Variants in PIPOX observed in about 807,000 individuals in gnomAD.
PIPOX encodes pipecolic acid and sarcosine oxidase.
In PIPOX, 45 loss-of-function variants were observed where a neutral mutation model predicts 47.9. The ratio of observed to expected loss-of-function variants is 0.94; its 90% CI spans 0.74 to 1.20. The LOEUF (loss-of-function observed/expected upper bound fraction) is 1.20. PIPOX is among the 50% of genes most tolerant of loss of function. PIPOX has a pLI of 0.00. For missense variants in PIPOX, 458 were observed against 498.4 expected, an observed-to-expected ratio of 0.92 and a Z score of 0.77; for synonymous variants, 165 against 191.3, an observed-to-expected ratio of 0.86 and a Z score of 1.13.
intron 1 of PIPOX, 41 bp from the exon 2 acceptor site, chr17:29,044,818 G>T (rs751089483): frequency 6.3e-7 from 1 of 1,584,668 alleles, no homozygotes; most frequent in African/African-American, 1.3e-5. Flanking sequence ...GCAGTGTGAG[G>T]GGTAATGGCT....
chr17:29,055,996 G>C lies in PIPOX; in HGVS notation c.1042+108G>C. The C allele has an allele frequency of 2.3e-6, 3 of 1,285,928 alleles. No homozygotes were observed. The South Asian group carries it at 3.6e-5, about 15-fold the overall frequency. The allele number at this position is 1,285,928 out of a possible 1,614,324, so 79.7% of individuals were successfully genotyped here. A position where few individuals can be genotyped will look rare whatever the true frequency, so the allele number is the denominator to read the frequency against. On this transcript the variant is annotated intron_variant, in intron 7 of 7. Transcript: ENST00000323372. ...GCTGCCCAGATAGGTGTGAAGCCTG[G>C]ACATTGTAGGTATAAGGAGGCTGGG...
chr17:29,051,475 C>T (rs554362715), intron 2 of PIPOX, among the ~76,000 whole-genome samples: 16 of 152,142 alleles, frequency 1.1e-4, no homozygotes, highest in Admixed American at 7.2e-4. Flanking sequence ...TAGGCTATTA[C>T]GAGCTTTACA....
intron 7 of PIPOX, 27 bp from the exon 8 acceptor site, chr17:29,056,147 GC>G: frequency 6.2e-7 from 1 of 1,613,602 alleles, no homozygotes; most frequent in Non-Finnish European, 8.5e-7. Context: ...CTGTGAAGCT[GC>G]CTGAGAGTCT....
intron 2 of PIPOX, 50 bp from the exon 3 acceptor site, chr17:29,052,870 G>C (rs1395993120): frequency 2.6e-6 from 4 of 1,540,940 alleles, no homozygotes; most frequent in Non-Finnish European, 3.6e-6. Context: ...GTCACATCAG[G>C]CCCAGGATTT....
rs777519134 is a variant in PIPOX, at chr17:29,053,578, A to T, written c.643A>T (p.Ile215Phe). 1 of 1,593,660 alleles carries T rather than the reference A, an allele frequency of 6.3e-7. No individual in the cohort carries two copies. The highest frequency in any genetic ancestry group is 8.6e-7 in the Non-Finnish European group (1 of 1,165,032). ...CAACCAGCTCCTCCGTCCCCTGGGC[A>T]TTGAGATGCCTCTCCAGGTAAGAGG... The part of the protein sequence containing the change: ...WTNQLLRPLG[I>F]EMPLQTLRIN... The change falls in exon 4 of 8, where the codon ATT becomes TTT. Residue 215 changes from isoleucine (I) to phenylalanine (F), a missense_variant. Ile to Phe is a conservative substitution (Grantham distance 21). Coordinates refer to ENST00000323372, the MANE Select transcript of PIPOX (RefSeq NM_016518.3).
At chr17:29,052,683 C>T (rs914717067) in intron 2 of PIPOX, among the ~76,000 whole-genome samples, 2 of 152,250 alleles carry the variant, frequency 1.3e-5, no homozygotes, top group Non-Finnish European at 2.9e-5. Flanking sequence ...CCTCAGCCTC[C>T]CAAATAGCTG....
At position 29,053,047 on chromosome 17, in the gene PIPOX, A is replaced by G. The variant is rs1411500871; in HGVS notation, c.391A>G (p.Asn131Asp). The G allele has an allele frequency of 6.2e-7, 1 of 1,614,228 alleles. No individual in the cohort carries two copies. The highest frequency in any genetic ancestry group is 8.5e-7 in the Non-Finnish European group (1 of 1,180,036). The change falls in exon 3 of 8, where the codon AAT becomes GAT. Residue 131 changes from asparagine to aspartate, a missense_variant. By Grantham distance (23) the Asn-to-Asp change is conservative. Coordinates refer to ENST00000323372, the MANE Select transcript of PIPOX (RefSeq NM_016518.3). ...SSEELKQRFP[N>D]IRLPRGEVGL... is the part of the protein sequence containing the mutation. Reference sequence around the variant, plus strand: ...TGAGGAACTGAAGCAACGTTTCCCAAATATTCGGTTGCCCAGGGGAGAAGT... The same window carrying G: ...TGAGGAACTGAAGCAACGTTTCCCAGATATTCGGTTGCCCAGGGGAGAAGT...
intron 2 of PIPOX, among the ~76,000 whole-genome samples, chr17:29,048,341 A>AT (rs2065792992): frequency 6.6e-6 from 1 of 152,248 alleles, no homozygotes; most frequent in Admixed American, 6.5e-5. Context: ...TTTGATGATG[A>AT]TTAAAAAAAA....
chr17:29,043,421 C>T, intron 1 of PIPOX, 82 bp downstream of exon 1: 1 of 982,148 alleles, frequency 1.0e-6, no homozygotes, highest in Non-Finnish European at 1.6e-6. Context: ...AGCCAGCAGG[C>T]TACAGGGCAA....
In PIPOX at chr17:29,056,280, C is replaced by T. The variant is rs1293262439; in HGVS notation, c.1148C>T (p.Pro383Leu). Residue 383 changes from proline (P) to leucine (L), a missense_variant, in exon 8 of 8, where the codon CCA (proline) becomes CTA (leucine). Transcript: ENST00000323372. ...DLAPFRISRF[P>L]SLGKAHL ...GCACCTTTTCGAATCAGCCGTTTCCCAAGCCTGGGCAAAGCCCACCTTTGA... is the reference window on the plus strand; with the variant it reads ...GCACCTTTTCGAATCAGCCGTTTCCTAAGCCTGGGCAAAGCCCACCTTTGA... 1.9e-6 allele frequency: 3 copies of T among 1,614,214 alleles called. No homozygotes were observed. In the South Asian group the frequency reaches 3.3e-5, roughly 18 times the overall value.
rs200391883 is a variant in PIPOX, at chr17:29,053,458, G to A, written c.523G>A (p.Val175Met). Residue 175 changes from valine to methionine, a missense_variant, in exon 4 of 8, where the codon GTG becomes ATG. Coordinates refer to ENST00000323372, the MANE Select transcript of PIPOX (RefSeq NM_016518.3). ...AGGCATAGTGCGTGACGGAGAGAAGGTGGTGGAGATAAACCCAGGGCTACT... is the reference window on the plus strand; with the variant it reads ...AGGCATAGTGCGTGACGGAGAGAAGATGGTGGAGATAAACCCAGGGCTACT... Reference protein sequence around the residue: ...LGGIVRDGEKVVEINPGLLVT... With the variant: ...LGGIVRDGEKMVEINPGLLVT... 2.2e-5 allele frequency: 36 copies of A among 1,614,198 alleles called. No homozygotes were observed. In the South Asian group the frequency reaches 4.0e-4, roughly 18 times the overall value.
chr17:29,043,467 A>G (rs2152697993), intron 1 of PIPOX, 128 bp downstream of exon 1: 1 of 601,266 alleles, frequency 1.7e-6, no homozygotes, highest in East Asian at 2.9e-5. Context: ...ATTCTGTGTA[A>G]TTTGTATCTT....
rs1388700322 is a variant in PIPOX at position 29,043,280 on chromosome 17, G to A, written c.55G>A (p.Gly19Ser). Residue 19 changes from glycine to serine, a missense_variant, in exon 1 of 8, where the codon GGC becomes AGC. Gly to Ser is a moderately conservative substitution (Grantham distance 56). Transcript: ENST00000323372. ...CATTGTGATTGGGGCGGGGATCCAG[G>A]GCTGCTTCACTGCATACCACCTGGC... ...DAIVIGAGIQGCFTAYHLAKH... is the reference protein window; with the variant it reads ...DAIVIGAGIQSCFTAYHLAKH... The A allele has an allele frequency of 1.2e-6, 2 of 1,613,786 alleles. No individual in the cohort carries two copies. The highest frequency in any genetic ancestry group is 1.7e-5 in the Admixed American group (1 of 59,992).
At chr17:29,046,663 T>C (rs1244753599) in intron 2 of PIPOX, 6 of 985,142 alleles carry the variant, frequency 6.1e-6, no homozygotes, top group African/African-American at 1.8e-5. Flanking sequence ...CAACCACAGA[T>C]ACCAAGGGGA....
intron 4 of PIPOX, 98 bp downstream of exon 4, chr17:29,053,693 C>T (rs2065816246): frequency 4.9e-6 from 4 of 811,078 alleles, no homozygotes; most frequent in Non-Finnish European, 7.6e-6. Flanking sequence ...TGCTAGTGGA[C>T]AACCTTGGGC....
chr17:29,055,323 C>T (rs2065823583), intron 6 of PIPOX, 102 bp downstream of exon 6: 1 of 1,368,204 alleles, frequency 7.3e-7, no homozygotes, highest in Non-Finnish European at 1.0e-6. Flanking sequence ...TGACCCCTGA[C>T]ATAGTGTGTG....
rs375887401 is a variant in PIPOX, at chr17:29,053,444, G to C, written c.509G>C (p.Arg170Pro). The C allele has an allele frequency of 8.1e-6, 13 of 1,613,884 alleles. No homozygotes were observed. The highest frequency in any genetic ancestry group is 8.0e-5 in the African/African-American group (6 of 74,936). Reference sequence around the variant, plus strand: ...ATTCGACAGCTAGGAGGCATAGTGCGTGACGGAGAGAAGGTGGTGGAGATA... The same window carrying C: ...ATTCGACAGCTAGGAGGCATAGTGCCTGACGGAGAGAAGGTGGTGGAGATA... Reference protein sequence around the residue: ...DAIRQLGGIVRDGEKVVEINP... With the variant: ...DAIRQLGGIVPDGEKVVEINP... Residue 170 changes from arginine to proline, a missense_variant, in exon 4 of 8, where the codon CGT becomes CCT. By Grantham distance (103) the Arg-to-Pro change is moderately radical. Transcript: ENST00000323372.
Position 29,056,392 on chromosome 17 carries a change from TATC to T in PIPOX, c.*91_*93del. The T allele has an allele frequency of 2.0e-6, 3 of 1,484,924 alleles. No individual in the cohort carries two copies. The highest frequency in any genetic ancestry group is 1.4e-5 in the African/African-American group (1 of 72,170). 92.0% of individuals were successfully genotyped at this position (1,484,924 alleles called of 1,614,324 possible). ...TCAGATGAAGGGAGTGTCCCTGAGA[TATC>T]ATCCTTTTCTTCTGCCTCGCCTGAA... On this transcript the variant is annotated 3_prime_UTR_variant, in exon 8 of 8. Coordinates refer to ENST00000323372, the MANE Select transcript of PIPOX (RefSeq NM_016518.3).
intron 1 of PIPOX, 92 bp downstream of exon 1, chr17:29,043,431 A>G: frequency 1.2e-6 from 1 of 818,408 alleles, no homozygotes; most frequent in Non-Finnish European, 2.0e-6. Context: ...CTACAGGGCA[A>G]GGCCAAAGGG....
Sources: gnomAD v4.1 joint callset for allele counts (sites outside exome capture counted in the v4.1 genomes callset) on GRCh38, gnomAD v4.1.1 for gene constraint, MANE v1.5 for transcripts, NCBI Gene and HGNC (gene_info 2026-07-23, HGNC 2026-07-21) for gene names.